The following YAE1 variants were observed in gnomAD, a reference collection of about 807,000 sequenced individuals.
The protein encoded by YAE1 is protein YAE1 homolog.
In YAE1, 22 loss-of-function variants were observed where a neutral mutation model predicts 23.0. The ratio of observed to expected loss-of-function variants is 0.96; its 90% CI spans 0.68 to 1.37. The LOEUF (loss-of-function observed/expected upper bound fraction) is 1.37, where lower values mean the gene tolerates loss of function less well. YAE1 is among the 40% of genes most tolerant of loss of function. The probability of loss-of-function intolerance (pLI) is 0.00; values close to 1 mark genes in which losing one functional copy is unlikely to be tolerated. For synonymous variants in YAE1, 101 were observed against 97.0 expected, an observed-to-expected ratio of 1.04 and a Z score of -0.24; for missense variants, 260 against 262.1, an observed-to-expected ratio of 0.99 and a Z score of 0.06.
intron 2 of YAE1, among the ~76,000 whole-genome samples, chr7:39,589,774 T>A (rs1037258425): frequency 2.6e-5 from 4 of 152,204 alleles, no homozygotes; most frequent in African/African-American, 9.7e-5. Context: ...AGGAGACTTA[T>A]GAAGGGCAAT....
chr7:39,572,416 G>T lies in YAE1; in HGVS notation c.391G>T (p.Val131Leu). The change falls in exon 3 of 3, where the codon GTA becomes TTA. Residue 131 changes from valine (V) to leucine (L), a missense_variant. By Grantham distance (32) the Val-to-Leu change is conservative. Coordinates refer to ENST00000223273, the MANE Select transcript of YAE1 (RefSeq NM_020192.5). ...LKSITPPSHVVDLLDSIEDMD... is the reference protein window; with the variant it reads ...LKSITPPSHVLDLLDSIEDMD... ...ATCAATCACTCCACCGTCCCATGTT[G>T]TAGATTTATTGGACTCCATTGAGGA... 6.2e-7 allele frequency: 1 copy of T among 1,614,154 alleles called. No individual in the cohort carries two copies. The highest frequency in any genetic ancestry group is 8.5e-7 in the Non-Finnish European group (1 of 1,179,986).
chr7:39,586,066 C>T (rs1790809669), intron 2 of YAE1, among the ~76,000 whole-genome samples: 1 of 152,176 alleles, frequency 6.6e-6, no homozygotes, highest in Non-Finnish European at 1.5e-5. Context: ...CACCACCGCA[C>T]TCCAGCCTGG....
Position 39,566,494 on chromosome 7 carries a change from G to A in YAE1, c.76G>A (p.Glu26Lys), listed in dbSNP as rs773458006. 19 of 1,614,062 alleles carry A rather than the reference G, an allele frequency of 1.2e-5. No individual in the cohort carries two copies. Among genetic ancestry groups the A allele is most frequent in the Non-Finnish European group, 1.4e-5 (17 of 1,180,030 alleles). The change falls in exon 1 of 3, where the codon GAG (glutamate) becomes AAG (lysine). Residue 26 changes from glutamate (E) to lysine (K), a missense_variant. Transcript: ENST00000223273. ...KGDVFDEEAD[E>K]SLLAQREWQS... ...GGACGTGTTTGACGAAGAAGCAGAC[G>A]AGTCGCTCCTGGCGCAGCGGGAATG...
intron 2 of YAE1, among the ~76,000 whole-genome samples, chr7:39,588,376 G>A (rs544804767): frequency 6.6e-6 from 1 of 152,056 alleles, no homozygotes; most frequent in African/African-American, 2.4e-5. Flanking sequence ...GCTGGGCTTG[G>A]TGGCGTGTGC....
At chr7:39,600,572 T>C (rs1028671263) in intron 2 of YAE1, among the ~76,000 whole-genome samples, 1 of 151,962 alleles carries the variant, frequency 6.6e-6, no homozygotes, top group African/African-American at 2.4e-5. Context: ...TAATTTTGTG[T>C]TTTTAGTAGA....
At chr7:39,586,467 C>A (rs1448280442) in intron 2 of YAE1, among the ~76,000 whole-genome samples, 1 of 150,452 alleles carries the variant, frequency 6.6e-6, no homozygotes, top group African/African-American at 2.4e-5. Flanking sequence ...CCACCGCGCC[C>A]GGCCAGTAAT....
chr7:39,604,188 CACAGAACATCCAG>C (rs1019921938), intron 2 of YAE1, among the ~76,000 whole-genome samples: 1 of 152,180 alleles, frequency 6.6e-6, no homozygotes, highest in Non-Finnish European at 1.5e-5. Flanking sequence ...AACACATCCA[CACAGAACATCCAG>C]AGGAAGGAAA....
intron 2 of YAE1, among the ~76,000 whole-genome samples, chr7:39,579,769 T>C (rs2115795744): frequency 6.6e-6 from 1 of 152,228 alleles, no homozygotes; most frequent in African/African-American, 2.4e-5. Context: ...GAGCTACGTG[T>C]CTATAGCTCA....
Position 39,609,821 on chromosome 7 carries a change from CCGG to C in YAE1, c.457_459del (p.Arg153del), listed in dbSNP as rs776000889. 2.0e-6 allele frequency: 3 copies of C among 1,531,838 alleles called. 1 individual carries two copies. Among genetic ancestry groups the C allele is most frequent in the South Asian group, 2.4e-5 (2 of 83,772 alleles). 94.9% of individuals were successfully genotyped at this position (1,531,838 alleles called of 1,614,324 possible). ...CCACTCCCCGCTTCCCCGCCCGGCT[CCGG>C]GCCCCAGGCCCTGGGACGCCGAGCC... On this transcript the variant is annotated inframe_deletion, in exon 3 of 3. Coordinates refer to the YAE1 transcript ENST00000432096.
At chr7:39,572,139 A>G (rs962472589) in intron 2 of YAE1, 138 bp from the exon 3 acceptor site, 12 of 884,870 alleles carry the variant, frequency 1.4e-5, no homozygotes, top group Non-Finnish European at 1.5e-5. Context: ...GGAAAAGCGT[A>G]TATAGAGTTA....
intron 2 of YAE1, among the ~76,000 whole-genome samples, chr7:39,598,412 G>GTTGT (rs112489998): frequency 2.8e-5 from 4 of 140,924 alleles, no homozygotes; most frequent in African/African-American, 1.0e-4. Context: ...CCTGGGCCAA[G>GTTGT]TTTTTTTTTT....
chr7:39,597,511 C>G (rs1419194210), intron 2 of YAE1, among the ~76,000 whole-genome samples: 3 of 152,200 alleles, frequency 2.0e-5, no homozygotes, highest in African/African-American at 7.2e-5. Context: ...TCGCTGGTCT[C>G]AGTTATTACA....
intron 2 of YAE1, among the ~76,000 whole-genome samples, chr7:39,593,177 C>CTTTTTTTATTTTTT (rs1790925306): frequency 1.4e-5 from 1 of 72,110 alleles, no homozygotes; most frequent in Non-Finnish European, 2.3e-5. Flanking sequence ...TTGGTTATTT[C>CTTTTTTTATTTTTT]TTTTTTTTTT....
chr7:39,596,767 C>T lies in YAE1; in HGVS notation c.252-12850C>T, dbSNP rs73115984. Among the ~76,000 whole-genome samples, 950 of 152,102 alleles carry T rather than the reference C, an allele frequency of 6.2e-3. 2 individuals are homozygous for T. The highest frequency in any genetic ancestry group is 9.9e-3 in the Non-Finnish European group (671 of 68,034). ...CCTTGAGGATATGCTCTGTCTCTCA[C>T]TTGACTTTGTATCTTGGCCCTTAGG... On this transcript the variant is annotated intron_variant, in intron 2 of 2. Transcript: ENST00000432096.
downstream of YAE1, among the ~76,000 whole-genome samples, chr7:39,575,577 AGTGAGT>A (rs141025876): frequency 1.2e-5 from 1 of 80,208 alleles, no homozygotes; most frequent in South Asian, 3.5e-4. Flanking sequence ...AGAGAGAGAG[AGTGAGT>A]GTGTGTGTGT....
At chr7:39,590,842 C>T (rs1045520407) in intron 2 of YAE1, among the ~76,000 whole-genome samples, 3 of 152,140 alleles carry the variant, frequency 2.0e-5, no homozygotes, top group Non-Finnish European at 4.4e-5. Context: ...AATATCTTAC[C>T]TTGGCTGCCC....
At chr7:39,598,212 C>T (rs1364768189) in intron 2 of YAE1, among the ~76,000 whole-genome samples, 1 of 151,882 alleles carries the variant, frequency 6.6e-6, no homozygotes, top group Non-Finnish European at 1.5e-5. Flanking sequence ...CAGGTTCAAG[C>T]GATTCTCCTG....
intron 2 of YAE1, among the ~76,000 whole-genome samples, chr7:39,584,147 A>G (rs1790781444): frequency 6.6e-6 from 1 of 152,102 alleles, no homozygotes; most frequent in Admixed American, 6.5e-5. Flanking sequence ...CCCCCACCCC[A>G]TTATTATTTT....
downstream of YAE1, among the ~76,000 whole-genome samples, chr7:39,574,791 G>A (rs7802552): frequency 0.048 from 7,284 of 150,558 alleles, 562 homozygotes; most frequent in African/African-American, 0.17. Context: ...TGTAGTCTTC[G>A]CTACTTGGGA....
Sources: allele counts gnomAD v4.1 joint callset (sites outside exome capture counted in the v4.1 genomes callset), GRCh38; gene constraint gnomAD v4.1.1; transcripts MANE v1.5; gene names NCBI Gene and HGNC (gene_info 2026-07-23, HGNC 2026-07-21).